LRBA: variants seen among roughly 807,000 people sequenced by gnomAD.
LRBA encodes lipopolysaccharide-responsive and beige-like anchor protein.
In LRBA, 176 loss-of-function variants were observed where a neutral mutation model predicts 330.0. The ratio of observed to expected loss-of-function variants is 0.53; its 90% CI spans 0.47 to 0.60. The LOEUF (loss-of-function observed/expected upper bound fraction) is 0.60. Ranked by LOEUF, LRBA falls within the 20% of genes least tolerant of loss-of-function variation. LRBA has a pLI of 0.00. For missense variants in LRBA, 3,259 were observed against 3,444.8 expected (o/e 0.95, Z 1.35); for synonymous variants, 1,230 against 1,193.0 (o/e 1.03, Z -0.64).
At chr4:150,820,342 C>T (rs1291337815) in intron 30 of LRBA, among the ~76,000 whole-genome samples, 1 of 151,884 alleles carries the variant, frequency 6.6e-6, no homozygotes, top group Non-Finnish European at 1.5e-5. Flanking sequence ...CCATTTAATT[C>T]ACTAAAAATA....
intron 2 of LRBA, among the ~76,000 whole-genome samples, chr4:150,930,132 C>T (rs977145411): frequency 5.3e-5 from 8 of 151,614 alleles, no homozygotes; most frequent in Admixed American, 1.3e-4. Flanking sequence ...CTGGCCAACA[C>T]GGTGAAACCC....
At chr4:150,396,480 T>TCTCACACA (rs1554016741) in intron 47 of LRBA, among the ~76,000 whole-genome samples, 3 of 145,774 alleles carry the variant, frequency 2.1e-5, no homozygotes, top group Non-Finnish European at 4.5e-5. Flanking sequence ...AAATCTCATC[T>TCTCACACA]CACACACACA....
intron 35 of LRBA, among the ~76,000 whole-genome samples, chr4:150,759,549 G>GC (rs1734782952): frequency 6.6e-6 from 1 of 151,974 alleles, no homozygotes; most frequent in Non-Finnish European, 1.5e-5. Context: ...TCCTAATCCT[G>GC]CCACTCTATT....
chr4:150,366,821 T>C (rs757513394), intron 47 of LRBA, among the ~76,000 whole-genome samples: 1 of 152,182 alleles, frequency 6.6e-6, no homozygotes, highest in East Asian at 1.9e-4. Flanking sequence ...CTGATGGTCC[T>C]CCAGTAGAAA....
At chr4:150,940,643 T>C (rs1735569079) in intron 2 of LRBA, among the ~76,000 whole-genome samples, 1 of 152,150 alleles carries the variant, frequency 6.6e-6, no homozygotes, top group East Asian at 1.9e-4. Flanking sequence ...TTGTATTTGC[T>C]ATCTCCTTGC....
At chr4:150,931,260 C>G (rs1197809810) in intron 2 of LRBA, among the ~76,000 whole-genome samples, 1 of 151,638 alleles carries the variant, frequency 6.6e-6, no homozygotes, top group Non-Finnish European at 1.5e-5. Flanking sequence ...TTAACATTTA[C>G]AATACCATTA....
chr4:150,892,115 G>T (rs999112954), intron 17 of LRBA, among the ~76,000 whole-genome samples: 22 of 152,116 alleles, frequency 1.4e-4, no homozygotes, highest in Non-Finnish European at 2.6e-4. Flanking sequence ...ATCCCTGTGT[G>T]AATTTATTAT....
At chr4:150,718,707 TTTATTATA>T (rs1044667369) in intron 36 of LRBA, among the ~76,000 whole-genome samples, 1 of 152,142 alleles carries the variant, frequency 6.6e-6, no homozygotes, top group African/African-American at 2.4e-5. Flanking sequence ...ATTTAGAAAT[TTTATTATA>T]ACACCTTAAA....
intron 48 of LRBA, among the ~76,000 whole-genome samples, chr4:150,338,363 G>A (rs138737891): frequency 7.9e-5 from 12 of 152,208 alleles, no homozygotes; most frequent in African/African-American, 1.4e-4. Flanking sequence ...ATGTATTTAC[G>A]TGAAAAGTAA....
At chr4:150,658,248 G>A (rs1780412366) in intron 37 of LRBA, among the ~76,000 whole-genome samples, 1 of 151,452 alleles carries the variant, frequency 6.6e-6, no homozygotes, top group South Asian at 2.1e-4. Context: ...TATTCTGGAA[G>A]AGTAATACTT....
chr4:150,667,368 T>C (rs1193240850), intron 37 of LRBA, among the ~76,000 whole-genome samples: 1 of 152,096 alleles, frequency 6.6e-6, no homozygotes, highest in Non-Finnish European at 1.5e-5. Flanking sequence ...ATTGTGATGA[T>C]GGAAGCAGAG....
chr4:150,808,368 G>T lies in LRBA; in HGVS notation c.5336C>A (p.Ser1779Ter), dbSNP rs755264075. The T allele has an allele frequency of 6.2e-7, 1 of 1,612,276 alleles. No individual in the cohort carries two copies. The highest frequency in any genetic ancestry group is 1.1e-5 in the South Asian group (1 of 90,884). Residue 1779 changes from serine to a stop codon, truncating the protein, a stop_gained, in exon 32 of 57, where the codon TCA (serine) becomes TAA (stop). Coordinates refer to ENST00000651943, the MANE Select transcript of LRBA (RefSeq NM_001364905.1). LOFTEE classifies it high-confidence loss of function. ...TGAAACTGAATCAACTGTTGGAACT[G>T]AGGGCAATTTTGCATTAGATGATCT... ...GSRSSNAKLP[S>*]VPTVDSVSQD... is the part of the protein sequence containing the mutation.
Position 150,339,673 on chromosome 4 carries a change from A to G in LRBA, c.7362+10319T>C, listed in dbSNP as rs74940601. On this transcript the variant is annotated intron_variant, in intron 48 of 56. Transcript: ENST00000651943. ...TTTTCCTCATGCATTTGTATTTTATATGTTCCATAACATTGTCTATTATTC... is the reference window on the plus strand; with the variant it reads ...TTTTCCTCATGCATTTGTATTTTATGTGTTCCATAACATTGTCTATTATTC... Among the ~76,000 whole-genome samples, 98 of 152,220 alleles carry G rather than the reference A, an allele frequency of 6.4e-4. No homozygotes were observed. The East Asian group carries it at 0.015, about 23-fold the overall frequency.
chr4:150,481,464 C>A lies in LRBA; in HGVS notation c.6551+6268G>T, dbSNP rs569037943. Among the ~76,000 whole-genome samples, 167 of 152,052 alleles carry A rather than the reference C, an allele frequency of 1.1e-3. 1 individual carries two copies. The highest frequency in any genetic ancestry group is 2.2e-3 in the Admixed American group (34 of 15,216). On this transcript the variant is annotated intron_variant, in intron 42 of 56. Transcript: ENST00000651943. ...ATAATATTTATCAAACTTAAGTGTA[C>A]AATTTGATGAGATTTGAATATATAT...
intron 47 of LRBA, among the ~76,000 whole-genome samples, chr4:150,380,442 A>T (rs892221240): frequency 6.6e-6 from 1 of 152,112 alleles, no homozygotes; most frequent in East Asian, 1.9e-4. Flanking sequence ...CATCAGGATC[A>T]CCTAGGGAGT....
intron 37 of LRBA, among the ~76,000 whole-genome samples, chr4:150,674,391 A>G (rs1263043186): frequency 1.3e-5 from 2 of 151,812 alleles, no homozygotes; most frequent in Non-Finnish European, 2.9e-5. Context: ...CAAACAGTAA[A>G]GTCTAAAAAA....
intron 47 of LRBA, among the ~76,000 whole-genome samples, chr4:150,395,699 C>A (rs1308185779): frequency 6.6e-6 from 1 of 152,138 alleles, no homozygotes; most frequent in African/African-American, 2.4e-5. Flanking sequence ...ACCTCCCAAG[C>A]CTCATCCCTG....
At chr4:150,674,318 G>A (rs1439949368) in intron 37 of LRBA, among the ~76,000 whole-genome samples, 7 of 151,186 alleles carry the variant, frequency 4.6e-5, no homozygotes, top group Non-Finnish European at 7.4e-5. Flanking sequence ...CCTGACCCAA[G>A]TATTTCAGAA....
chr4:150,865,873 G>T (rs1276441513), intron 22 of LRBA, among the ~76,000 whole-genome samples: 1 of 151,874 alleles, frequency 6.6e-6, no homozygotes, highest in Admixed American at 6.6e-5. Flanking sequence ...ACGCCACCAC[G>T]CCTGGCTAAT....
Sources: allele counts gnomAD v4.1 joint callset (sites outside exome capture counted in the v4.1 genomes callset), GRCh38; gene constraint gnomAD v4.1.1; transcripts MANE v1.5; gene names NCBI Gene and HGNC (gene_info 2026-07-23, HGNC 2026-07-21).